Variants in MTMR3 observed in about 807,000 individuals in gnomAD.
MTMR3 encodes phosphatidylinositol-3,5-bisphosphate 3-phosphatase MTMR3.
In MTMR3, 32 loss-of-function variants were observed where a neutral mutation model predicts 132.4. The observed-to-expected ratio is 0.24, with a 90% CI of 0.18 to 0.32. The LOEUF (loss-of-function observed/expected upper bound fraction) is 0.32. Among genes scored for constraint, MTMR3 ranks in the 10% least tolerant of loss-of-function variants. The pLI, the probability that MTMR3 is intolerant of heterozygous loss-of-function variation, is 1.00. For synonymous variants in MTMR3, 556 were observed against 550.3 expected, an observed-to-expected ratio of 1.01 and a Z score of -0.14; for missense variants, 1,216 against 1,489.6, an observed-to-expected ratio of 0.82 and a Z score of 3.02.
chr22:29,957,744 G>A lies in MTMR3; in HGVS notation c.-85+656G>A, dbSNP rs372595633. On this transcript the variant is annotated intron_variant, in intron 2 of 19. Transcript: ENST00000401950. ...TGGTATATATCTATATGAAAAATAA[G>A]ACCTCTTATTACTAGAGTTAGTTCA... 1.4e-4 allele frequency among the ~76,000 whole-genome samples: 22 copies of A among 152,202 alleles called. No individual in the cohort carries two copies. In the East Asian group the frequency reaches 4.2e-3, roughly 29 times the overall value.
intron 1 of MTMR3, among the ~76,000 whole-genome samples, chr22:29,913,806 C>T (rs1320981419): frequency 1.3e-5 from 2 of 151,722 alleles, no homozygotes; most frequent in East Asian, 1.9e-4. Flanking sequence ...GGCTGGAGTG[C>T]GGTGGCGAGA....
intron 8 of MTMR3, 101 bp from the exon 9 acceptor site, chr22:30,002,779 A>G (rs762882238): frequency 1.6e-5 from 14 of 868,432 alleles, no homozygotes; most frequent in Non-Finnish European, 2.2e-5. Context: ...CAGTGAGATC[A>G]TCATCCTTAT....
chr22:30,008,864 A>C, intron 11 of MTMR3, 154 bp from the exon 12 acceptor site: 1 of 524,076 alleles, frequency 1.9e-6, no homozygotes, highest in East Asian at 3.0e-5. Flanking sequence ...CTTATTATAA[A>C]GGATTGGGCT....
chr22:30,026,879 CTTCTT>C lies in MTMR3; in HGVS notation c.*1079_*1083del, dbSNP rs2035238674. ...ATACAATCAGCCTTTCTCCTCTTCTCTTCTTGGGACAGGAATAACTGCTGAGCAGT... is the reference window on the plus strand; with the variant it reads ...ATACAATCAGCCTTTCTCCTCTTCTCGGGACAGGAATAACTGCTGAGCAGT... On this transcript the variant is annotated 3_prime_UTR_variant, in exon 20 of 20. Transcript: ENST00000401950. The C allele has an allele frequency of 6.5e-6, 1 of 152,820 alleles. No homozygotes were observed. Among genetic ancestry groups the C allele is most frequent in the African/African-American group, 2.4e-5 (1 of 41,440 alleles). 9.5% of individuals were successfully genotyped at this position (152,820 alleles called of 1,614,324 possible).
intron 1 of MTMR3, among the ~76,000 whole-genome samples, chr22:29,919,199 G>T (rs56822704): frequency 0.027 from 4,130 of 151,994 alleles, 188 homozygotes; most frequent in African/African-American, 0.096. Flanking sequence ...TTTGCTTCTT[G>T]TTCTTCCTTT....
intron 7 of MTMR3, chr22:29,995,316 A>G (rs929037356): frequency 1.3e-5 from 2 of 152,254 alleles, no homozygotes; most frequent in African/African-American, 4.8e-5. Context: ...GCTAAGAGGT[A>G]GTTCTTACCT....
At chr22:29,948,370 A>C (rs1028366001) in intron 1 of MTMR3, among the ~76,000 whole-genome samples, 3 of 152,236 alleles carry the variant, frequency 2.0e-5, no homozygotes, top group Non-Finnish European at 4.4e-5. Context: ...ATGGGGAGAC[A>C]ATAACATTAA....
At chr22:29,896,606 G>A (rs560080975) in intron 1 of MTMR3, among the ~76,000 whole-genome samples, 398 of 151,908 alleles carry the variant, frequency 2.6e-3, no homozygotes, top group Middle Eastern at 0.014. Flanking sequence ...GACCCATTTT[G>A]AACTCAAGAA....
intron 19 of MTMR3, chr22:30,023,749 T>A (rs2067829726): frequency 6.2e-6 from 3 of 484,658 alleles, no homozygotes; most frequent in Non-Finnish European, 1.1e-5. Flanking sequence ...GCTTCTTGTC[T>A]TCTGGTCTTG....
chr22:30,006,114 C>T (rs1361045756), intron 9 of MTMR3: 1 of 152,198 alleles, frequency 6.6e-6, no homozygotes, highest in Non-Finnish European at 1.5e-5. Flanking sequence ...TGTATCAGAA[C>T]TTTATTCCTC....
chr22:29,940,145 G>A (rs2065828902), intron 1 of MTMR3, among the ~76,000 whole-genome samples: 1 of 152,140 alleles, frequency 6.6e-6, no homozygotes, highest in African/African-American at 2.4e-5. Flanking sequence ...GCGGGCGACT[G>A]TAGTCCCAGC....
chr22:30,012,640 G>T, intron 13 of MTMR3, 77 bp downstream of exon 13: 2 of 1,409,812 alleles, frequency 1.4e-6, no homozygotes, highest in South Asian at 1.5e-5. Context: ...ACCAGTTTTG[G>T]GAGTGGTGAT....
chr22:29,983,465 G>A (rs1040460523), intron 5 of MTMR3: 10 of 152,162 alleles, frequency 6.6e-5, no homozygotes, highest in African/African-American at 2.4e-4. Context: ...ACAGGCGTTA[G>A]CCACCACACC....
At chr22:29,937,419 A>ATTT (rs5844882) in intron 1 of MTMR3, among the ~76,000 whole-genome samples, 27 of 144,294 alleles carry the variant, frequency 1.9e-4, no homozygotes, top group Middle Eastern at 3.6e-3. Flanking sequence ...AACTTTGCAG[A>ATTT]TTTTTTTTTT....
At chr22:29,893,483 G>A (rs1200137683) in intron 1 of MTMR3, among the ~76,000 whole-genome samples, 1 of 152,200 alleles carries the variant, frequency 6.6e-6, no homozygotes, top group African/African-American at 2.4e-5. Context: ...ATGGTTTGCT[G>A]TGAGTGAATG....
rs1039481952 is a variant in MTMR3, at chr22:29,941,266, A to G, written c.-137-15770A>G. ...TTCATTTTTATTGCTGAGTATGGCA[A>G]TCCATTATAGAAATATACCACAATT... On this transcript the variant is annotated intron_variant, in intron 1 of 19. Coordinates refer to ENST00000401950, the MANE Select transcript of MTMR3 (RefSeq NM_021090.4). 4.6e-5 allele frequency among the ~76,000 whole-genome samples: 7 copies of G among 152,156 alleles called. No individual in the cohort carries two copies. The South Asian group carries it at 8.3e-4, about 18-fold the overall frequency.
intron 1 of MTMR3, among the ~76,000 whole-genome samples, chr22:29,925,564 A>G (rs1414410558): frequency 6.6e-6 from 1 of 152,080 alleles, no homozygotes; most frequent in Non-Finnish European, 1.5e-5. Context: ...TCTTTAAAAA[A>G]AAAAAAAACA....
intron 1 of MTMR3, among the ~76,000 whole-genome samples, chr22:29,896,898 C>CACACACACAT (rs1394851899): frequency 2.0e-5 from 3 of 151,064 alleles, no homozygotes; most frequent in Non-Finnish European, 2.9e-5. Flanking sequence ...CACACACACA[C>CACACACACAT]ACACATACAC....
At position 29,957,108 on chromosome 22, in the gene MTMR3, C is replaced by G. The variant is rs1447576200; in HGVS notation, c.-85+20C>G. ...CATTTGGTAAGTTTGTTTCTCCCCTCCTGCCACCCCCGCCCCCCTCCAATA... is the reference window on the plus strand; with the variant it reads ...CATTTGGTAAGTTTGTTTCTCCCCTGCTGCCACCCCCGCCCCCCTCCAATA... On this transcript the variant is annotated intron_variant, in intron 2 of 19. Transcript: ENST00000401950. 6.6e-6 allele frequency: 1 copy of G among 152,092 alleles called. No individual in the cohort carries two copies. Among genetic ancestry groups the G allele is most frequent in the Non-Finnish European group, 1.5e-5 (1 of 67,990 alleles). 9.4% of individuals were successfully genotyped at this position (152,092 alleles called of 1,614,324 possible). A position where few individuals can be genotyped will look rare whatever the true frequency, so the allele number is the denominator to read the frequency against.
Sources: gnomAD v4.1 joint callset for allele counts (sites outside exome capture counted in the v4.1 genomes callset) on GRCh38, gnomAD v4.1.1 for gene constraint, MANE v1.5 for transcripts, NCBI Gene and HGNC (gene_info 2026-07-23, HGNC 2026-07-21) for gene names.